VPS13B: variants seen among roughly 807,000 people sequenced by gnomAD.
The protein encoded by VPS13B is intermembrane lipid transfer protein VPS13B.
A neutral mutation model predicts 426.4 loss-of-function variants in VPS13B; 285 were observed. The ratio of observed to expected loss-of-function variants is 0.67; its 90% CI spans 0.61 to 0.74. The LOEUF (loss-of-function observed/expected upper bound fraction) is 0.74. Ranked by LOEUF, VPS13B falls within the 30% of genes least tolerant of loss-of-function variation. The pLI is 0.00. For missense variants in VPS13B, 4,537 were observed against 4,782.6 expected (o/e 0.95, Z 1.51); for synonymous variants, 1,676 against 1,676.4 (o/e 1.00, Z 0.01).
At chr8:99,041,434 C>T (rs1447730976) in intron 3 of VPS13B, among the ~76,000 whole-genome samples, 1 of 152,210 alleles carries the variant, frequency 6.6e-6, no homozygotes, top group Admixed American at 6.5e-5. Context: ...TTCCATTTAA[C>T]TATGTGCTCC....
intron 28 of VPS13B, chr8:99,507,947 C>T (rs769555703): frequency 1.2e-6 from 2 of 1,613,662 alleles, no homozygotes; most frequent in East Asian, 2.2e-5. Flanking sequence ...ACACAACTCC[C>T]ATTAACAGGA....
At chr8:99,238,971 T>A (rs1472881346) in intron 17 of VPS13B, among the ~76,000 whole-genome samples, 2 of 152,276 alleles carry the variant, frequency 1.3e-5, no homozygotes, top group East Asian at 3.9e-4. Context: ...CTTACCTGAA[T>A]TACATGAGAC....
At chr8:99,848,278 C>G (rs1816085022) in intron 54 of VPS13B, among the ~76,000 whole-genome samples, 2 of 152,086 alleles carry the variant, frequency 1.3e-5, no homozygotes, top group South Asian at 4.1e-4. Context: ...ATGAAAGACC[C>G]TAGAGGGGTT....
intron 3 of VPS13B, among the ~76,000 whole-genome samples, chr8:99,077,918 A>G (rs1168143888): frequency 6.6e-6 from 1 of 152,152 alleles, no homozygotes; most frequent in Non-Finnish European, 1.5e-5. Context: ...GTTATCTTAA[A>G]AGACTTGTCT....
chr8:99,541,693 G>A (rs1014773690), intron 30 of VPS13B, among the ~76,000 whole-genome samples: 1 of 151,980 alleles, frequency 6.6e-6, no homozygotes, highest in African/African-American at 2.4e-5. Flanking sequence ...TGGATAAGAT[G>A]GGGAAAAAGA....
chr8:99,764,718 A>C (rs1190911987), intron 39 of VPS13B, among the ~76,000 whole-genome samples: 7 of 151,996 alleles, frequency 4.6e-5, no homozygotes, highest in African/African-American at 1.4e-4. Flanking sequence ...CCTGGCATAG[A>C]GATATACTTT....
chr8:99,507,861 C>A (rs778146925), intron 28 of VPS13B: 4 of 1,613,962 alleles, frequency 2.5e-6, no homozygotes, highest in Non-Finnish European at 3.4e-6. Flanking sequence ...GTTGGTTCGA[C>A]CCATCAGCAA....
chr8:99,545,515 C>G (rs541161490), intron 30 of VPS13B, among the ~76,000 whole-genome samples: 1 of 152,146 alleles, frequency 6.6e-6, no homozygotes, highest in South Asian at 2.1e-4. Flanking sequence ...TTTAAAGAGA[C>G]ATATACAGCT....
chr8:99,589,668 A>G (rs200392211), intron 33 of VPS13B, among the ~76,000 whole-genome samples: 4 of 148,792 alleles, frequency 2.7e-5, no homozygotes, highest in Non-Finnish European at 4.4e-5. Context: ...ATAAACATAC[A>G]TGTGCCTGTG....
intron 39 of VPS13B, among the ~76,000 whole-genome samples, chr8:99,733,512 T>C (rs1362658843): frequency 6.6e-6 from 1 of 152,228 alleles, no homozygotes; most frequent in Admixed American, 6.5e-5. Context: ...GTCTAGCACA[T>C]AGTGCTGAAT....
chr8:99,559,603 T>C (rs1025719052), intron 31 of VPS13B, among the ~76,000 whole-genome samples: 1 of 152,104 alleles, frequency 6.6e-6, no homozygotes, highest in Non-Finnish European at 1.5e-5. Context: ...AGGAAGGGAT[T>C]GAGTTTCAGC....
intron 21 of VPS13B, among the ~76,000 whole-genome samples, chr8:99,425,451 C>T (rs1816641880): frequency 6.6e-6 from 1 of 152,038 alleles, no homozygotes; most frequent in Non-Finnish European, 1.5e-5. Flanking sequence ...ATAAACAGAA[C>T]CAAAGACAAA....
intron 13 of VPS13B, among the ~76,000 whole-genome samples, chr8:99,144,112 G>A (rs1451189448): frequency 6.6e-6 from 1 of 152,092 alleles, no homozygotes; most frequent in African/African-American, 2.4e-5. Context: ...GGATGACAGA[G>A]TAGCAAGATA....
chr8:99,035,469 T>C (rs550709940), intron 2 of VPS13B, among the ~76,000 whole-genome samples: 2 of 152,342 alleles, frequency 1.3e-5, no homozygotes, highest in South Asian at 4.1e-4. Flanking sequence ...AATGTCCTCA[T>C]GTTTCATCCA....
chr8:99,176,030 A>C (rs1198558585), intron 16 of VPS13B, among the ~76,000 whole-genome samples: 1 of 152,172 alleles, frequency 6.6e-6, no homozygotes, highest in Non-Finnish European at 1.5e-5. Flanking sequence ...GCAGTCCCTG[A>C]GCAGTTCCTC....
In VPS13B at chr8:99,147,930, C is replaced by G; in HGVS notation, c.1933C>G (p.Leu645Val). 1.2e-6 allele frequency: 2 copies of G among 1,613,812 alleles called. No homozygotes were observed. Among genetic ancestry groups the G allele is most frequent in the South Asian group, 1.1e-5 (1 of 91,060 alleles). The stretch of plus-strand genomic sequence containing the variant: ...TCCTACTCGACATACAAGTGTTACT[C>G]TCCTCAAATGTACCTGCACAATTTC... ...YIPTRHTSVT[L>V]LKCTCTISMA... Residue 645 changes from leucine (L) to valine (V), a missense_variant, in exon 14 of 62, where the codon CTC becomes GTC. Leu to Val is a conservative substitution (Grantham distance 32, BLOSUM62 1). Around this residue, in one of 2 missense-constraint regions of VPS13B, gnomAD observed 4,311 missense variants for 4,474.3 expected, o/e 0.96. Coordinates refer to ENST00000357162, the MANE Select transcript of VPS13B (RefSeq NM_152564.5).
intron 19 of VPS13B, among the ~76,000 whole-genome samples, chr8:99,329,342 G>A (rs1222474536): frequency 6.6e-6 from 1 of 152,022 alleles, no homozygotes; most frequent in Non-Finnish European, 1.5e-5. Flanking sequence ...ATTCAAGCAT[G>A]TGTTTAGTAA....
Position 99,022,785 on chromosome 8 carries a change from T to G in VPS13B, c.147+8850T>G, listed in dbSNP as rs1031320673. On this transcript the variant is annotated intron_variant, in intron 2 of 61. Coordinates refer to ENST00000357162, the MANE Select transcript of VPS13B (RefSeq NM_152564.5). ...GTTTTCACTTTATATATCTTAAAGTTATGTTATTAAGTGTATACAAATTTA... is the reference window on the plus strand; with the variant it reads ...GTTTTCACTTTATATATCTTAAAGTGATGTTATTAAGTGTATACAAATTTA... Among the ~76,000 whole-genome samples, 6 of 152,304 alleles carry G rather than the reference T, an allele frequency of 3.9e-5. No individual in the cohort carries two copies. The South Asian group carries it at 1.2e-3, about 32-fold the overall frequency.
At chr8:99,372,687 G>A (rs907833971) in intron 19 of VPS13B, among the ~76,000 whole-genome samples, 1 of 152,218 alleles carries the variant, frequency 6.6e-6, no homozygotes, top group Non-Finnish European at 1.5e-5. Flanking sequence ...AGGCTGTGGA[G>A]AAATAGGAAC....
Sources: gnomAD v4.1 joint callset for allele counts (sites outside exome capture counted in the v4.1 genomes callset) on GRCh38, gnomAD v4.1.1 for gene constraint, gnomAD v4.1.1 regional missense constraint, MANE v1.5 for transcripts, NCBI Gene and HGNC (gene_info 2026-07-23, HGNC 2026-07-21) for gene names.